Variants in AOPEP observed in about 807,000 individuals in gnomAD.
AOPEP encodes the protein aminopeptidase O.
AOPEP carries 77 observed loss-of-function variants against 98.1 expected under a neutral mutation model. The observed-to-expected ratio is 0.78, with a 90% confidence interval of 0.65 to 0.95. The LOEUF (loss-of-function observed/expected upper bound fraction) is 0.95. AOPEP is among the 40% of genes least tolerant of loss of function. AOPEP has a pLI of 0.00. For missense variants in AOPEP, 1,024 were observed against 1,024.7 expected (o/e 1.00, Z 0.01); for synonymous variants, 346 against 365.3 (o/e 0.95, Z 0.60).
rs577929601 is a variant in AOPEP, at chr9:94,850,227, A to G, written c.1364+49225A>G. ...AAAAAGTTACTTTTTAGTTGGTAGC[A>G]TATTTTTTATTAGCAAGAAGAAGAC... On this transcript the variant is annotated intron_variant, in intron 5 of 16. Transcript: ENST00000375315. Among the ~76,000 whole-genome samples the G allele has an allele frequency of 1.5e-3, 215 of 145,912 alleles. 2 individuals carry two copies. Among genetic ancestry groups the G allele is most frequent in the Non-Finnish European group, 7.5e-5 (5 of 67,072 alleles).
At chr9:94,726,957 C>T (rs181133659) in intron 1 of AOPEP, among the ~76,000 whole-genome samples, 1 of 152,282 alleles carries the variant, frequency 6.6e-6, no homozygotes, top group Admixed American at 6.5e-5. Context: ...GCGGAGCGGT[C>T]ACATCTTACC....
chr9:94,869,310 GC>G (rs1445079167), intron 5 of AOPEP, among the ~76,000 whole-genome samples: 1 of 152,208 alleles, frequency 6.6e-6, no homozygotes. Flanking sequence ...TGTGGCAATA[GC>G]CTTTGTGTCC....
intron 5 of AOPEP, among the ~76,000 whole-genome samples, chr9:94,835,990 C>G (rs1458305459): frequency 6.6e-6 from 1 of 152,208 alleles, no homozygotes; most frequent in Non-Finnish European, 1.5e-5. Flanking sequence ...ATCTTGAGGT[C>G]TGAGGTGCAG....
chr9:95,142,036 A>G, the AOPEP span, among the ~76,000 whole-genome samples: 1 of 108,306 alleles, frequency 9.2e-6, no homozygotes, highest in East Asian at 3.2e-4. Context: ...CTTGTCGCCC[A>G]GGCTGGAGTG....
chr9:95,138,141 C>T, the AOPEP span, among the ~76,000 whole-genome samples: 1 of 152,230 alleles, frequency 6.6e-6, no homozygotes, highest in South Asian at 2.1e-4. Context: ...ATTATCCCCT[C>T]CCCGCACAGA....
chr9:94,929,354 G>C (rs1307564931), intron 7 of AOPEP, among the ~76,000 whole-genome samples: 1 of 152,242 alleles, frequency 6.6e-6, no homozygotes, highest in Non-Finnish European at 1.5e-5. Flanking sequence ...GGATGGTTCT[G>C]CTGTTGTTGT....
chr9:95,047,558 C>T (rs2065960115), intron 13 of AOPEP, among the ~76,000 whole-genome samples: 1 of 152,064 alleles, frequency 6.6e-6, no homozygotes, highest in Admixed American at 6.6e-5. Context: ...GGAAAACTGC[C>T]CTGATCAGTT....
chr9:95,095,413 G>T, the AOPEP span, among the ~76,000 whole-genome samples: 1 of 152,198 alleles, frequency 6.6e-6, no homozygotes, highest in South Asian at 2.1e-4. Flanking sequence ...CCTGTGTCGT[G>T]TGTGTCCCTG....
At chr9:94,878,259 C>T (rs1401700568) in intron 5 of AOPEP, among the ~76,000 whole-genome samples, 1 of 148,830 alleles carries the variant, frequency 6.7e-6, no homozygotes, top group Non-Finnish European at 1.5e-5. Flanking sequence ...ATCTAGGATG[C>T]TGTCCACTTT....
At chr9:95,120,476 G>A in the AOPEP span, among the ~76,000 whole-genome samples, 1 of 150,456 alleles carries the variant, frequency 6.6e-6, no homozygotes, top group Non-Finnish European at 1.5e-5. Flanking sequence ...GTGCAGTGGT[G>A]TGATCATGGC....
At chr9:94,774,788 A>G (rs537704558) in intron 3 of AOPEP, among the ~76,000 whole-genome samples, 10 of 152,344 alleles carry the variant, frequency 6.6e-5, no homozygotes, top group Non-Finnish European at 1.3e-4. Flanking sequence ...TGTTTTCCAG[A>G]AAGGCTGTGC....
intron 7 of AOPEP, among the ~76,000 whole-genome samples, chr9:94,945,469 A>C (rs2057512526): frequency 6.6e-6 from 1 of 152,138 alleles, no homozygotes; most frequent in African/African-American, 2.4e-5. Flanking sequence ...GAAATAGAAG[A>C]CCCAAAGAGC....
At chr9:95,074,402 A>T (rs1587922032) in intron 14 of AOPEP, among the ~76,000 whole-genome samples, 1 of 152,134 alleles carries the variant, frequency 6.6e-6, no homozygotes, top group African/African-American at 2.4e-5. Flanking sequence ...GCCTCAAAGA[A>T]GCAGTTGTGT....
intron 5 of AOPEP, among the ~76,000 whole-genome samples, chr9:94,895,675 G>A (rs1350568920): frequency 6.6e-6 from 1 of 151,844 alleles, no homozygotes; most frequent in African/African-American, 2.4e-5. Flanking sequence ...TGCAGCCTCC[G>A]CCTCCTGGGT....
chr9:94,947,308 T>C (rs2137717344), intron 7 of AOPEP, among the ~76,000 whole-genome samples: 1 of 152,126 alleles, frequency 6.6e-6, no homozygotes, highest in African/African-American at 2.4e-5. Context: ...GAGATGGGTC[T>C]TTCTCTGTCG....
chr9:94,773,283 T>C, intron 3 of AOPEP, 115 bp downstream of exon 3: 2 of 955,684 alleles, frequency 2.1e-6, no homozygotes, highest in Non-Finnish European at 3.1e-6. Flanking sequence ...GGGTTGGAAA[T>C]GATCATAGTA....
chr9:95,057,426 C>T (rs1354817429), intron 13 of AOPEP, among the ~76,000 whole-genome samples: 1 of 152,248 alleles, frequency 6.6e-6, no homozygotes, highest in Non-Finnish European at 1.5e-5. Flanking sequence ...CCCGGTGCTG[C>T]CTTGAGCACA....
the AOPEP span, chr9:95,099,087 A>AAAAT: frequency 1.5e-5 from 3 of 193,714 alleles, no homozygotes; most frequent in East Asian, 1.6e-4. Context: ...TTAGAATGAA[A>AAAAT]AAATAGACAA....
intron 5 of AOPEP, among the ~76,000 whole-genome samples, chr9:94,895,516 C>A (rs2049425520): frequency 6.6e-6 from 1 of 151,882 alleles, no homozygotes; most frequent in South Asian, 2.1e-4. Flanking sequence ...CTACCATCAC[C>A]ATCACTATGT....
Sources: gnomAD v4.1 joint callset for allele counts (sites outside exome capture counted in the v4.1 genomes callset) on GRCh38, gnomAD v4.1.1 for gene constraint, MANE v1.5 for transcripts, NCBI Gene and HGNC (gene_info 2026-07-23, HGNC 2026-07-21) for gene names.